The following ALG9 variants were observed in gnomAD, a reference collection of about 807,000 sequenced individuals.
ALG9 encodes the protein ALG9 alpha-1,2-mannosyltransferase, also known as alpha-1,2-mannosyltransferase ALG9.
In ALG9, 55 loss-of-function variants were observed where a neutral mutation model predicts 81.8. The observed-to-expected ratio is 0.67, with a 90% CI of 0.54 to 0.84. The LOEUF (loss-of-function observed/expected upper bound fraction) is 0.84. Among genes scored for constraint, ALG9 ranks in the 40% least tolerant of loss-of-function variants. The pLI is 0.00. For missense variants in ALG9, 629 were observed against 745.0 expected, an observed-to-expected ratio of 0.84 and a Z score of 1.81; for synonymous variants, 278 against 274.3, an observed-to-expected ratio of 1.01 and a Z score of -0.13.
At chr11:111,827,773 AC>A (rs1359441656) in intron 13 of ALG9, among the ~76,000 whole-genome samples, 2 of 151,338 alleles carry the variant, frequency 1.3e-5, no homozygotes, top group Non-Finnish European at 2.9e-5. Context: ...TAGCTGAGGC[AC>A]AAAAATCCCT....
chr11:111,859,042 C>CA (rs879970643), intron 5 of ALG9, among the ~76,000 whole-genome samples: 15 of 151,946 alleles, frequency 9.9e-5, no homozygotes, highest in Non-Finnish European at 1.6e-4. Context: ...TCCATCTCTA[C>CA]AAAAAACTTT....
chr11:111,768,832 T>TGTGTGTGC, the ALG9 span: 10 of 132,242 alleles, frequency 7.6e-5, no homozygotes, highest in South Asian at 5.1e-4. Context: ...CAGCTTCGTG[T>TGTGTGTGC]GTGTGTGTGC....
chr11:111,854,672 T>C (rs1034676045), intron 6 of ALG9, among the ~76,000 whole-genome samples: 2 of 152,260 alleles, frequency 1.3e-5, no homozygotes, highest in Admixed American at 1.3e-4. Flanking sequence ...CATGTTGTTA[T>C]GTAAATTCCG....
rs984060175 is a variant in ALG9 at position 111,837,416 on chromosome 11, C to G, written c.1472+52G>C. The G allele has an allele frequency of 3.7e-6, 6 of 1,602,868 alleles. No individual in the cohort carries two copies. In the African/African-American group the frequency reaches 8.0e-5, roughly 21 times the overall value. ...AAAATTAGAAGACACTGATATAGAACTGCTCTATTTACTCCTTCATTTAAA... is the reference window on the plus strand; with the variant it reads ...AAAATTAGAAGACACTGATATAGAAGTGCTCTATTTACTCCTTCATTTAAA... On this transcript the variant is annotated intron_variant, in intron 12 of 14. Transcript: ENST00000616540.
intron 4 of ALG9, among the ~76,000 whole-genome samples, chr11:111,862,061 T>C (rs1313827261): frequency 6.6e-6 from 1 of 152,128 alleles, no homozygotes; most frequent in Non-Finnish European, 1.5e-5. Context: ...GTATCTAGCT[T>C]GGGATATGTT....
At chr11:111,871,192 G>A (rs1964184794) in intron 1 of ALG9, 160 bp downstream of exon 1, 1 of 1,301,382 alleles carries the variant, frequency 7.7e-7, no homozygotes, top group Admixed American at 4.2e-5. Context: ...ATGCTGACCC[G>A]CCCAGGAAGA....
At position 111,867,090 on chromosome 11, in the gene ALG9, G is replaced by A. The variant is rs566114124; in HGVS notation, c.405+1512C>T. Among the ~76,000 whole-genome samples, 58 of 152,280 alleles carry A rather than the reference G, an allele frequency of 3.8e-4. 1 individual carries two copies. Among genetic ancestry groups the A allele is most frequent in the East Asian group, 5.8e-4 (3 of 5,186 alleles). ...AGCCTGGGCGACAGAGTGAGACTTCGTCTCAAAAACAAACCAAACAAACAA... is the reference window on the plus strand; with the variant it reads ...AGCCTGGGCGACAGAGTGAGACTTCATCTCAAAAACAAACCAAACAAACAA... On this transcript the variant is annotated intron_variant, in intron 3 of 14. Coordinates refer to ENST00000616540, the MANE Select transcript of ALG9 (RefSeq NM_024740.2).
At chr11:111,779,154 G>A (rs575940724), downstream of ALG9, among the ~76,000 whole-genome samples, 11 of 151,870 alleles carry the variant, frequency 7.2e-5, no homozygotes, top group Admixed American at 6.6e-5. Context: ...ATTCTGTCTC[G>A]TGTAGCTCCA....
intron 14 of ALG9, among the ~76,000 whole-genome samples, chr11:111,793,456 T>C (rs902113795): frequency 6.6e-6 from 1 of 152,194 alleles, no homozygotes; most frequent in Non-Finnish European, 1.5e-5. Context: ...AATTGGTAAT[T>C]TGCCTTTATA....
intron 14 of ALG9, among the ~76,000 whole-genome samples, chr11:111,809,090 C>G (rs1217431000): frequency 1.3e-5 from 2 of 152,204 alleles, no homozygotes; most frequent in Non-Finnish European, 2.9e-5. Flanking sequence ...CAAAAATAAT[C>G]AGTGTCAAAC....
At chr11:111,836,382 G>C in intron 12 of ALG9, 88 bp from the exon 13 acceptor site, 1 of 1,541,296 alleles carries the variant, frequency 6.5e-7, no homozygotes, top group Non-Finnish European at 8.9e-7. Flanking sequence ...AAAATCATGT[G>C]AAAAACATTT....
chr11:111,840,927 T>C (rs1162357783), intron 9 of ALG9, 118 bp from the exon 10 acceptor site: 1 of 1,214,922 alleles, frequency 8.2e-7, no homozygotes, highest in Non-Finnish European at 1.2e-6. Flanking sequence ...CCATAGAATG[T>C]TTCTACTCTT....
intron 14 of ALG9, among the ~76,000 whole-genome samples, chr11:111,806,547 C>T (rs564384648): frequency 1.7e-4 from 26 of 152,218 alleles, no homozygotes; most frequent in Non-Finnish European, 3.4e-4. Context: ...TGATTGCCCT[C>T]AGTCACCTTT....
chr11:111,870,391 A>T (rs1555157421), intron 1 of ALG9, 21 bp from the exon 2 acceptor site: 2 of 1,514,436 alleles, frequency 1.3e-6, no homozygotes, highest in African/African-American at 2.8e-5. Context: ...GCAAAAAAAA[A>T]AAAAAAAAAA....
intron 14 of ALG9, among the ~76,000 whole-genome samples, chr11:111,802,640 G>C (rs892517930): frequency 2.0e-5 from 3 of 152,076 alleles, no homozygotes; most frequent in African/African-American, 7.2e-5. Context: ...TTAAATGGAT[G>C]AACTGGATAT....
chr11:111,829,471 C>T (rs978403316), intron 13 of ALG9, among the ~76,000 whole-genome samples: 1 of 152,060 alleles, frequency 6.6e-6, no homozygotes, highest in Non-Finnish European at 1.5e-5. Flanking sequence ...ACCTCTAAAC[C>T]AAAAGAGAAA....
rs782707760 is a variant in ALG9, at chr11:111,809,657, G to A, written c.1719C>T (p.Phe573=). ...EEWISLAYRP[F]LDASRSSKLL... ...AAGCCACATACCTAGAAGCATCAAGGAATGGTCTATAGGCCAAGCTGATCC... is the reference window on the plus strand; with the variant it reads ...AAGCCACATACCTAGAAGCATCAAGAAATGGTCTATAGGCCAAGCTGATCC... The change falls in exon 14 of 15, where the codon TTC becomes TTT. Residue 573 remains phenylalanine (F), a synonymous_variant. Transcript: ENST00000616540. The A allele has an allele frequency of 3.7e-6, 6 of 1,614,072 alleles. No individual in the cohort carries two copies. In the South Asian group the frequency reaches 4.4e-5, roughly 12 times the overall value.
In ALG9 at chr11:111,853,374, C is replaced by T; in HGVS notation, c.895+6G>A. The T allele has an allele frequency of 6.2e-7, 1 of 1,610,572 alleles. No homozygotes were observed. Among genetic ancestry groups the T allele is most frequent in the African/African-American group, 1.3e-5 (1 of 74,956 alleles). ...TAACACTTGCCCAAATTTCACAAAG[C>T]CTTACCATAAAGATCAGGTCCATGA... On this transcript the variant is annotated splice_donor_region_variant and intron_variant, in intron 8 of 14. Transcript: ENST00000616540.
At chr11:111,802,359 A>G (rs1253090076) in intron 14 of ALG9, among the ~76,000 whole-genome samples, 1 of 152,238 alleles carries the variant, frequency 6.6e-6, no homozygotes, top group Non-Finnish European at 1.5e-5. Context: ...AGCAATAAAA[A>G]CAGACAACTA....
Sources: allele counts gnomAD v4.1 joint callset (sites outside exome capture counted in the v4.1 genomes callset), GRCh38; gene constraint gnomAD v4.1.1; transcripts MANE v1.5; gene names NCBI Gene and HGNC (gene_info 2026-07-23, HGNC 2026-07-21).